Variants in PCDHA2 observed in about 807,000 individuals in gnomAD.
PCDHA2 encodes protocadherin alpha-2.
In PCDHA2, 58 loss-of-function variants were observed where a neutral mutation model predicts 66.0. The ratio of observed to expected loss-of-function variants is 0.88; its 90% CI spans 0.71 to 1.09. The LOEUF is 1.09. Among genes scored for constraint, PCDHA2 ranks in the 50% least tolerant of loss-of-function variants. PCDHA2 has a pLI of 0.00. For synonymous variants in PCDHA2, 634 were observed against 554.0 expected, an observed-to-expected ratio of 1.14 and a Z score of -2.03; for missense variants, 1,267 against 1,242.3, an observed-to-expected ratio of 1.02 and a Z score of -0.30.
intron 1 of PCDHA2, among the ~76,000 whole-genome samples, chr5:140,906,631 C>A (rs919514401): frequency 6.6e-6 from 1 of 152,238 alleles, no homozygotes; most frequent in East Asian, 1.9e-4. Context: ...TCAGCAAGCA[C>A]CTCAGCAGGT....
At chr5:140,837,616 C>T (rs2150277416) in intron 1 of PCDHA2, among the ~76,000 whole-genome samples, 6 of 143,768 alleles carry the variant, frequency 4.2e-5, no homozygotes, top group African/African-American at 1.6e-4. Flanking sequence ...ATAATTTGCC[C>T]CTTCCTTCCT....
chr5:140,878,006 C>T (rs251378), intron 1 of PCDHA2: 602,670 of 913,772 alleles, frequency 0.66, 200,442 homozygotes, highest in African/African-American at 0.71. Flanking sequence ...ATTTGTCTAA[C>T]ATTAATGAAG....
chr5:140,993,535 GAGAT>G (rs2097571300), intron 3 of PCDHA2, among the ~76,000 whole-genome samples: 1 of 151,900 alleles, frequency 6.6e-6, no homozygotes, highest in African/African-American at 2.4e-5. Context: ...GAGAGAGAGA[GAGAT>G]AGAGAAGTGA....
At chr5:140,853,209 A>G (rs1399552448) in intron 1 of PCDHA2, 10 of 983,300 alleles carry the variant, frequency 1.0e-5, no homozygotes, top group Non-Finnish European at 1.1e-5. Context: ...TGACGGCTGT[A>G]TTGATGGGAT....
chr5:140,990,825 AAGCCTATTAGCAAAAATAG>A (rs2097418390), intron 3 of PCDHA2, among the ~76,000 whole-genome samples: 1 of 152,202 alleles, frequency 6.6e-6, no homozygotes, highest in Non-Finnish European at 1.5e-5. Flanking sequence ...CTCTCAGCTA[AAGCCTATTAGCAAAAATAG>A]AGCCCTGAGG....
At chr5:140,902,668 G>C (rs1385644848) in intron 1 of PCDHA2, among the ~76,000 whole-genome samples, 3 of 152,126 alleles carry the variant, frequency 2.0e-5, no homozygotes, top group African/African-American at 7.2e-5. Context: ...CACCCAAGCA[G>C]TGTACACCGT....
At chr5:140,971,630 C>A (rs1281130153) in intron 1 of PCDHA2, among the ~76,000 whole-genome samples, 1 of 151,972 alleles carries the variant, frequency 6.6e-6, no homozygotes, top group Non-Finnish European at 1.5e-5. Context: ...ACAATTAGTA[C>A]CATGTGCCTA....
intron 3 of PCDHA2, 34 bp from the exon 4 acceptor site, chr5:141,009,593 C>G: frequency 6.2e-7 from 1 of 1,602,020 alleles, no homozygotes; most frequent in South Asian, 1.1e-5. Flanking sequence ...CATGTGTTGA[C>G]CCTGTTAATG....
chr5:141,005,814 A>G (rs947359019), intron 3 of PCDHA2, among the ~76,000 whole-genome samples: 1 of 149,766 alleles, frequency 6.7e-6, no homozygotes, highest in Non-Finnish European at 1.5e-5. Context: ...GGAGCCAGGT[A>G]TGGTGGCCTG....
intron 1 of PCDHA2, chr5:140,882,203 T>C: frequency 6.5e-7 from 1 of 1,530,090 alleles, no homozygotes; most frequent in East Asian, 2.3e-5. Context: ...AATTGGGCCT[T>C]GAGAGACAGT....
intron 1 of PCDHA2, chr5:140,865,913 C>G (rs2049050417): frequency 6.6e-6 from 1 of 152,098 alleles, no homozygotes; most frequent in African/African-American, 2.4e-5. Flanking sequence ...ATCTTTCTTT[C>G]TGTTGTGCTT....
In PCDHA2 at chr5:140,927,608, G is replaced by A. The variant is rs151084513; in HGVS notation, c.2389-51341G>A. ...CCTGTATTTGAGCGCTCCGTATACC[G>A]CACCAAGGTTCCAGAGACTGCACCC... On this transcript the variant is annotated intron_variant, in intron 1 of 3. Coordinates refer to ENST00000526136, the MANE Select transcript of PCDHA2 (RefSeq NM_018905.3). The A allele has an allele frequency of 2.2e-5, 35 of 1,614,050 alleles. No homozygotes were observed. In the African/African-American group the frequency reaches 4.4e-4, roughly 20 times the overall value.
At chr5:140,927,381 A>G in intron 1 of PCDHA2, 2 of 1,614,102 alleles carry the variant, frequency 1.2e-6, no homozygotes, top group Non-Finnish European at 1.7e-6. Flanking sequence ...GCTACAGCCT[A>G]AGCCCCAGTC....
Position 140,796,815 on chromosome 5 carries a change from C to T in PCDHA2, c.1851C>T (p.Ser617=). ...LSYELQLGTG[S]ARIPFRVGLY... The stretch of plus-strand genomic sequence containing the variant: ...ACGAGCTTCAGCTGGGTACTGGCAG[C>T]GCTCGCATCCCGTTCCGCGTGGGGC... The change falls in exon 1 of 4, where the codon AGC becomes AGT. Residue 617 remains serine, a synonymous_variant. Coordinates refer to ENST00000526136, the MANE Select transcript of PCDHA2 (RefSeq NM_018905.3). The T allele has an allele frequency of 1.1e-5, 17 of 1,614,132 alleles. No homozygotes were observed. The highest frequency in any genetic ancestry group is 1.4e-5 in the Non-Finnish European group (17 of 1,179,982).
At chr5:140,802,327 G>A (rs1554122041) in intron 1 of PCDHA2, 1 of 1,614,202 alleles carries the variant, frequency 6.2e-7, no homozygotes, top group South Asian at 1.1e-5. Context: ...GTGTCCGACC[G>A]CGACTCAGGA....
chr5:140,926,805 G>A, intron 1 of PCDHA2: 2 of 1,452,468 alleles, frequency 1.4e-6, no homozygotes, highest in Non-Finnish European at 9.0e-7. Flanking sequence ...GCTCTTCCCC[G>A]CGGCTCGTGC....
At chr5:140,802,268 A>G in intron 1 of PCDHA2, 1 of 1,614,206 alleles carries the variant, frequency 6.2e-7, no homozygotes. Context: ...CACTATCTTT[A>G]CCTGTATTAG....
In PCDHA2 at chr5:140,807,726, T is replaced by C. The variant is rs533049370; in HGVS notation, c.2388+10374T>C. The C allele has an allele frequency of 5.8e-5, 93 of 1,614,072 alleles. No homozygotes were observed. Among genetic ancestry groups the C allele is most frequent in the Non-Finnish European group, 7.7e-5 (91 of 1,180,052 alleles). On this transcript the variant is annotated intron_variant, in intron 1 of 3. Coordinates refer to ENST00000526136, the MANE Select transcript of PCDHA2 (RefSeq NM_018905.3). ...CTGAGCCCAAATGAATACTTTTCTC[T>C]GGAAAAACCACCTGATGACGAGCTG...
At chr5:140,904,858 CTGTT>C (rs1335177457) in intron 1 of PCDHA2, among the ~76,000 whole-genome samples, 1 of 152,072 alleles carries the variant, frequency 6.6e-6, no homozygotes, top group Non-Finnish European at 1.5e-5. Context: ...TGAGAATTGT[CTGTT>C]TATGTCCTTA....
Sources: allele counts gnomAD v4.1 joint callset (sites outside exome capture counted in the v4.1 genomes callset), GRCh38; gene constraint gnomAD v4.1.1; transcripts MANE v1.5; gene names NCBI Gene and HGNC (gene_info 2026-07-23, HGNC 2026-07-21).